GCA: variants seen among roughly 807,000 people sequenced by gnomAD.
GCA encodes grancalcin, EF-hand calcium-binding protein.
GCA carries 30 observed loss-of-function variants against 32.6 expected under a neutral mutation model. That is an observed-to-expected ratio of 0.92 (90% CI 0.69 to 1.25). The LOEUF (loss-of-function observed/expected upper bound fraction) is 1.25. Among genes scored for constraint, GCA ranks in the 50% most tolerant of loss-of-function variants. GCA has a pLI of 0.00. For synonymous variants in GCA, 102 were observed against 84.6 expected, an observed-to-expected ratio of 1.21 and a Z score of -1.13; for missense variants, 291 against 266.8, an observed-to-expected ratio of 1.09 and a Z score of -0.63.
At chr2:162,354,007 T>A (rs1172205712) in intron 3 of GCA, among the ~76,000 whole-genome samples, 1 of 152,148 alleles carries the variant, frequency 6.6e-6, no homozygotes, top group African/African-American at 2.4e-5. Context: ...TCTGTTCTAT[T>A]TTCATGAATG....
At chr2:162,324,413 G>A (rs919493661) in intron 1 of GCA, among the ~76,000 whole-genome samples, 5 of 152,180 alleles carry the variant, frequency 3.3e-5, no homozygotes, top group African/African-American at 1.2e-4. Context: ...CCCCTCAACT[G>A]CCCCAGCCAA....
intron 1 of GCA, among the ~76,000 whole-genome samples, chr2:162,335,727 C>A (rs1412667297): frequency 6.6e-6 from 1 of 152,000 alleles, no homozygotes; most frequent in Non-Finnish European, 1.5e-5. Context: ...AGGGAGTATC[C>A]CCATTTTGCA....
chr2:162,344,626 GT>G (rs1422404746), intron 1 of GCA: 1 of 390,258 alleles, frequency 2.6e-6, no homozygotes, highest in African/African-American at 2.1e-5. Flanking sequence ...CCCACTCAGT[GT>G]TGCTAGAGAT....
downstream of GCA, chr2:162,371,779 C>T: frequency 6.6e-7 from 1 of 1,516,108 alleles, no homozygotes; most frequent in Non-Finnish European, 9.0e-7. Context: ...AAAAGGAAAA[C>T]AGCCATTAAA....
chr2:162,373,347 G>C (rs1457773953), downstream of GCA: 1 of 574,582 alleles, frequency 1.7e-6, no homozygotes, highest in Non-Finnish European at 2.8e-6. Flanking sequence ...AATTCTATTT[G>C]AGTAGAAACA....
intron 1 of GCA, among the ~76,000 whole-genome samples, chr2:162,323,635 A>T (rs1683766671): frequency 6.6e-6 from 1 of 151,900 alleles, no homozygotes; most frequent in Non-Finnish European, 1.5e-5. Context: ...ATGGCTAGCC[A>T]GTTTTCCCAG....
chr2:162,374,538 T>A (rs1285168952), downstream of GCA, among the ~76,000 whole-genome samples: 1 of 152,134 alleles, frequency 6.6e-6, no homozygotes, highest in Non-Finnish European at 1.5e-5. Context: ...TCTTCACTTA[T>A]TTGCGCTGAC....
chr2:162,345,034 A>G (rs943234201), intron 1 of GCA, among the ~76,000 whole-genome samples: 13 of 140,994 alleles, frequency 9.2e-5, no homozygotes, highest in Non-Finnish European at 1.7e-4. Flanking sequence ...TTAATATAGG[A>G]CTTGACTTTG....
intron 1 of GCA, among the ~76,000 whole-genome samples, chr2:162,345,393 G>C (rs1488428898): frequency 6.6e-6 from 1 of 152,188 alleles, no homozygotes; most frequent in Admixed American, 6.5e-5. Context: ...CGTCCCTAGC[G>C]TATACGTATT....
intron 2 of GCA, among the ~76,000 whole-genome samples, chr2:162,350,070 G>A (rs1326668998): frequency 6.6e-6 from 1 of 152,044 alleles, no homozygotes; most frequent in Non-Finnish European, 1.5e-5. Flanking sequence ...ATAGAGGCTG[G>A]GGAACTATAA....
At chr2:162,319,535 A>G (rs899974486) in intron 1 of GCA, 15 of 207,044 alleles carry the variant, frequency 7.2e-5, no homozygotes, top group Admixed American at 3.8e-4. Flanking sequence ...GCAGCTAGGA[A>G]CTTAATTAGC....
In GCA at chr2:162,371,578, A is replaced by G; in HGVS notation, c.*198A>G. 6 of 862,264 alleles carry G rather than the reference A, an allele frequency of 7.0e-6. 1 individual carries two copies. In the South Asian group the frequency reaches 1.4e-4, roughly 20 times the overall value. 53.4% of individuals were successfully genotyped at this position (862,264 alleles called of 1,614,324 possible). A position where few individuals can be genotyped will look rare whatever the true frequency, so the allele number is the denominator to read the frequency against. ...TTCCTAACATGCATGTGATTTAAAA[A>G]ATAAAAATAAAAAATAAGGTGCCGT... is the stretch of plus-strand genomic sequence containing the variant. On this transcript the variant is annotated 3_prime_UTR_variant, in exon 5 of 5. Transcript: ENST00000414723.
intron 1 of GCA, among the ~76,000 whole-genome samples, chr2:162,333,562 T>C (rs759209682): frequency 7.9e-5 from 12 of 152,122 alleles, no homozygotes; most frequent in Non-Finnish European, 1.5e-4. Flanking sequence ...ATTTCATTCA[T>C]CCTTTCTCCC....
Position 162,362,377 on chromosome 2 carries a change from T to C in GCA, c.*2134T>C, listed in dbSNP as rs1685609700. The C allele has an allele frequency of 1.0e-6, 1 of 980,000 alleles. No individual in the cohort carries two copies. The highest frequency in any genetic ancestry group is 6.2e-5 in the Admixed American group (1 of 16,092). 60.7% of individuals were successfully genotyped at this position (980,000 alleles called of 1,614,324 possible). On this transcript the variant is annotated 3_prime_UTR_variant, in exon 8 of 8. Coordinates refer to ENST00000437150, the MANE Select transcript of GCA (RefSeq NM_012198.5). ...CAAAAACATTAGGCCTAGAGAATAT[T>C]TTACCAGAATTTTTATACTGAAATA...
intron 5 of GCA, chr2:162,357,123 A>G: frequency 2.4e-6 from 1 of 415,510 alleles, no homozygotes; most frequent in Non-Finnish European, 4.3e-6. Context: ...CCATACATGC[A>G]TACATTCTGA....
At chr2:162,345,093 A>ATGG (rs377413955) in intron 1 of GCA, among the ~76,000 whole-genome samples, 3,820 of 109,342 alleles carry the variant, frequency 0.035, 100 homozygotes, top group East Asian at 0.078. Context: ...CTTGGAGTTC[A>ATGG]TGGTGGTGGT....
chr2:162,323,179 T>C (rs1320282665), intron 1 of GCA, among the ~76,000 whole-genome samples: 1 of 151,884 alleles, frequency 6.6e-6, no homozygotes, highest in Non-Finnish European at 1.5e-5. Context: ...CATTTTTTCA[T>C]GTGTTTTTTG....
At chr2:162,321,827 A>ATGGTGC (rs1683674198) in intron 1 of GCA, among the ~76,000 whole-genome samples, 1 of 149,192 alleles carries the variant, frequency 6.7e-6, no homozygotes, top group South Asian at 2.1e-4. Context: ...TAAAGAAGAG[A>ATGGTGC]TGGTGCGGTG....
At chr2:162,332,598 A>C (rs1195589093) in intron 1 of GCA, among the ~76,000 whole-genome samples, 2 of 152,158 alleles carry the variant, frequency 1.3e-5, no homozygotes, top group Non-Finnish European at 2.9e-5. Context: ...AACAAGGCCC[A>C]TAGCAGGGCT....
Sources: gnomAD v4.1 joint callset for allele counts (sites outside exome capture counted in the v4.1 genomes callset) on GRCh38, gnomAD v4.1.1 for gene constraint, MANE v1.5 for transcripts, NCBI Gene and HGNC (gene_info 2026-07-23, HGNC 2026-07-21) for gene names.